The following VWC2 variants were observed in gnomAD, a reference collection of about 807,000 sequenced individuals.
VWC2 encodes the protein brorin.
VWC2 carries 14 observed loss-of-function variants against 29.8 expected under a neutral mutation model. The observed-to-expected ratio is 0.47, with a 90% CI of 0.31 to 0.74. VWC2 has a LOEUF of 0.74. VWC2 is among the 30% of genes least tolerant of loss of function. The pLI is 0.05. For missense variants in VWC2, 457 were observed against 459.8 expected, an observed-to-expected ratio of 0.99 and a Z score of 0.05; for synonymous variants, 213 against 199.0, an observed-to-expected ratio of 1.07 and a Z score of -0.59.
chr7:49,848,110 A>T (rs990369390), intron 3 of VWC2, among the ~76,000 whole-genome samples: 1 of 152,198 alleles, frequency 6.6e-6, no homozygotes, highest in Admixed American at 6.5e-5. Context: ...GAAATGTAAC[A>T]GGAGTCAGCT....
chr7:49,774,300 A>G (rs1370890114), intron 1 of VWC2, among the ~76,000 whole-genome samples, 187 bp downstream of exon 1: 1 of 152,102 alleles, frequency 6.6e-6, no homozygotes, highest in Non-Finnish European at 1.5e-5. Context: ...GGGGGTCAGC[A>G]GGGCCGGGCA....
intron 3 of VWC2, among the ~76,000 whole-genome samples, chr7:49,805,547 T>G (rs1204583376): frequency 6.6e-6 from 1 of 152,180 alleles, no homozygotes; most frequent in Non-Finnish European, 1.5e-5. Flanking sequence ...ACAGGGAAAA[T>G]GGGGTTTGAA....
intron 2 of VWC2, among the ~76,000 whole-genome samples, chr7:49,786,991 AAAACAGGTACT>A (rs1788315059): frequency 6.6e-6 from 1 of 152,152 alleles, no homozygotes; most frequent in Non-Finnish European, 1.5e-5. Flanking sequence ...ATATTCTTAG[AAAACAGGTACT>A]GGGAGCCAGC....
chr7:49,864,209 C>T (rs1224297828), intron 3 of VWC2, among the ~76,000 whole-genome samples: 1 of 152,038 alleles, frequency 6.6e-6, no homozygotes, highest in African/African-American at 2.4e-5. Context: ...TTAGCTTTTT[C>T]CAAAGGTTTC....
chr7:49,791,766 G>A (rs542735249), intron 2 of VWC2, among the ~76,000 whole-genome samples: 23 of 152,176 alleles, frequency 1.5e-4, no homozygotes, highest in East Asian at 5.8e-4. Flanking sequence ...AAGATGCTTC[G>A]CCTTCCTTTG....
In VWC2 at chr7:49,775,722, C is replaced by A; in HGVS notation, c.287C>A (p.Ala96Asp). Reference protein sequence around the residue: ...GREPWSKLKQAWVSQGGGAKA... With the variant: ...GREPWSKLKQDWVSQGGGAKA... Reference sequence around the variant, plus strand: ...GAGCCGTGGAGCAAGCTGAAGCAGGCCTGGGTCTCCCAGGGCGGGGGCGCC... The same window carrying A: ...GAGCCGTGGAGCAAGCTGAAGCAGGACTGGGTCTCCCAGGGCGGGGGCGCC... Residue 96 changes from alanine to aspartate, a missense_variant, in exon 2 of 4, where the codon GCC (alanine) becomes GAC (aspartate). Physicochemically the swap from Ala to Asp is moderately radical, Grantham distance 126. Coordinates refer to ENST00000340652, the MANE Select transcript of VWC2 (RefSeq NM_198570.5). 6.6e-7 allele frequency: 1 copy of A among 1,518,072 alleles called. No individual in the cohort carries two copies. The highest frequency in any genetic ancestry group is 1.3e-5 in the South Asian group (1 of 78,774). The allele number at this position is 1,518,072 out of a possible 1,614,324, so 94.0% of individuals were successfully genotyped here.
chr7:49,882,492 G>A (rs566485573), intron 3 of VWC2, among the ~76,000 whole-genome samples: 44 of 152,218 alleles, frequency 2.9e-4, no homozygotes, highest in African/African-American at 1.0e-3. Flanking sequence ...GAGAGACTGA[G>A]ACAGATAAGG....
At chr7:49,836,949 A>G (rs1467788653) in intron 3 of VWC2, among the ~76,000 whole-genome samples, 3 of 152,210 alleles carry the variant, frequency 2.0e-5, no homozygotes, top group Non-Finnish European at 4.4e-5. Context: ...CAAAATGTCA[A>G]AAATCATGAG....
intron 3 of VWC2, among the ~76,000 whole-genome samples, chr7:49,818,262 C>T (rs943457729): frequency 1.3e-5 from 2 of 152,142 alleles, no homozygotes; most frequent in African/African-American, 4.8e-5. Context: ...CCAAATTGGA[C>T]TAGATTATTT....
intron 2 of VWC2, among the ~76,000 whole-genome samples, chr7:49,799,768 T>C (rs1457955084): frequency 1.3e-5 from 2 of 152,250 alleles, no homozygotes; most frequent in African/African-American, 4.8e-5. Flanking sequence ...CTAGATGGTG[T>C]AGCCTATTTA....
chr7:49,852,974 A>G (rs1211720374), intron 3 of VWC2, among the ~76,000 whole-genome samples: 5 of 152,128 alleles, frequency 3.3e-5, no homozygotes, highest in Admixed American at 2.6e-4. Flanking sequence ...CTTTATCACC[A>G]CAGTTCTACT....
chr7:49,847,212 T>TTATAA lies in VWC2; in HGVS notation c.826+44392_826+44396dup, dbSNP rs200959078. Reference sequence around the variant, plus strand: ...TAAGACACAAAAATGTGTGAACCTATTATAATATAATATAATATAATATAT... The same window carrying TTATAA: ...TAAGACACAAAAATGTGTGAACCTATTATAATATAATATAATATAATATAATATAT... On this transcript the variant is annotated intron_variant, in intron 3 of 3. Transcript: ENST00000340652. 1.9e-3 allele frequency among the ~76,000 whole-genome samples: 280 copies of TTATAA among 149,010 alleles called. 2 individuals carry two copies. Among genetic ancestry groups the TTATAA allele is most frequent in the South Asian group, 9.6e-3 (46 of 4,776 alleles).
intron 3 of VWC2, among the ~76,000 whole-genome samples, chr7:49,891,572 G>C (rs1315979294): frequency 2.0e-5 from 3 of 152,044 alleles, no homozygotes; most frequent in Non-Finnish European, 4.4e-5. Flanking sequence ...GCCACCATTC[G>C]ATACTATTGC....
intron 2 of VWC2, among the ~76,000 whole-genome samples, chr7:49,789,025 A>G (rs1466781636): frequency 1.5e-5 from 2 of 129,634 alleles, no homozygotes; most frequent in Non-Finnish European, 3.3e-5. Context: ...TGTCAGTGTG[A>G]GCGTGTGGGT....
intron 3 of VWC2, among the ~76,000 whole-genome samples, chr7:49,851,474 T>G (rs1005887696): frequency 7.2e-5 from 11 of 152,136 alleles, no homozygotes; most frequent in Non-Finnish European, 1.2e-4. Flanking sequence ...TAGCGCAATG[T>G]TATATTGAAA....
intron 3 of VWC2, among the ~76,000 whole-genome samples, chr7:49,819,603 T>C (rs977065829): frequency 6.6e-6 from 1 of 152,236 alleles, no homozygotes; most frequent in African/African-American, 2.4e-5. Flanking sequence ...TATTCACATG[T>C]ATATTTCATA....
chr7:49,846,153 A>G (rs1229042131), intron 3 of VWC2, among the ~76,000 whole-genome samples: 3 of 152,216 alleles, frequency 2.0e-5, no homozygotes, highest in Non-Finnish European at 4.4e-5. Flanking sequence ...CAATAGAGCC[A>G]ACCAGACTTA....
intron 3 of VWC2, among the ~76,000 whole-genome samples, chr7:49,817,585 T>C (rs1222956395): frequency 6.6e-6 from 1 of 152,246 alleles, no homozygotes; most frequent in Non-Finnish European, 1.5e-5. Flanking sequence ...AGACACATTC[T>C]GCTCTTACAC....
At chr7:49,804,744 G>A (rs796291018) in intron 3 of VWC2, among the ~76,000 whole-genome samples, 43 of 152,154 alleles carry the variant, frequency 2.8e-4, no homozygotes, top group African/African-American at 1.0e-3. Context: ...TTGCTAACAC[G>A]TTGCCGTATT....
Sources: allele counts gnomAD v4.1 joint callset (sites outside exome capture counted in the v4.1 genomes callset), GRCh38; gene constraint gnomAD v4.1.1; transcripts MANE v1.5; gene names NCBI Gene and HGNC (gene_info 2026-07-23, HGNC 2026-07-21).